Variants in FGFR3 observed in about 807,000 individuals in gnomAD.
FGFR3 encodes fibroblast growth factor receptor 3, also known as FGFR-3.
FGFR3 carries 25 observed loss-of-function variants against 82.9 expected under a neutral mutation model. The observed-to-expected ratio is 0.30, with a 90% confidence interval of 0.22 to 0.42. The LOEUF (loss-of-function observed/expected upper bound fraction) is 0.42. Among genes scored for constraint, FGFR3 ranks in the 10% least tolerant of loss-of-function variants. The pLI, the probability that FGFR3 is intolerant of heterozygous loss-of-function variation, is 1.00. For synonymous variants in FGFR3, 620 were observed against 516.0 expected, an observed-to-expected ratio of 1.20 and a Z score of -2.73; for missense variants, 1,026 against 1,161.0, an observed-to-expected ratio of 0.88 and a Z score of 1.69.
In FGFR3 at chr4:1,807,562, G is replaced by A. The variant is rs1017960810; in HGVS notation, c.*300G>A. The A allele has an allele frequency of 7.1e-6, 5 of 706,742 alleles. No homozygotes were observed. Among genetic ancestry groups the A allele is most frequent in the Admixed American group, 1.8e-5 (1 of 55,820 alleles). The allele number at this position is 706,742 out of a possible 1,614,324, so 43.8% of individuals were successfully genotyped here. A position where few individuals can be genotyped will look rare whatever the true frequency, so the allele number is the denominator to read the frequency against. On this transcript the variant is annotated 3_prime_UTR_variant, in exon 18 of 18. Transcript: ENST00000440486. Reference sequence around the variant, plus strand: ...GTTCTGGGGGGACCCAGTGCAGAATGTAAGTGGGCCCACCCGGTGGGACCC... The same window carrying A: ...GTTCTGGGGGGACCCAGTGCAGAATATAAGTGGGCCCACCCGGTGGGACCC...
In FGFR3 at chr4:1,794,029, TG is replaced by T; in HGVS notation, c.99del (p.Arg34GlufsTer26). On this transcript the variant is annotated frameshift_variant, in exon 2 of 18. Transcript: ENST00000440486. LOFTEE classifies it high-confidence loss of function. Reference protein sequence around the residue: ...SESLGTEQRVVGRAAEVPGPE... With the variant: ...SESLGTEQRVXGRAAEVPGPE... ...TCCTTGGGGACGGAGCAGCGCGTCG[TG>T]GGGCGAGCGGCAGGTAAGAAGGGAC... The T allele has an allele frequency of 7.1e-7, 1 of 1,411,682 alleles. No individual in the cohort carries two copies. The highest frequency in any genetic ancestry group is 9.3e-7 in the Non-Finnish European group (1 of 1,070,404). The allele number at this position is 1,411,682 out of a possible 1,614,324, so 87.4% of individuals were successfully genotyped here. A position where few individuals can be genotyped will look rare whatever the true frequency, so the allele number is the denominator to read the frequency against.
chr4:1,794,082 G>T (rs747769092), intron 2 of FGFR3, 39 bp downstream of exon 2: 26 of 1,236,758 alleles, frequency 2.1e-5, no homozygotes, highest in Non-Finnish European at 2.5e-5. Context: ...AGGCCGGCCC[G>T]TGCGGGCAGA....
intron 2 of FGFR3, among the ~76,000 whole-genome samples, chr4:1,795,410 T>C (rs1219790071): frequency 1.3e-5 from 2 of 150,284 alleles, no homozygotes; most frequent in African/African-American, 4.9e-5. Flanking sequence ...CAGTCGCTCC[T>C]GGAACGCCCC....
chr4:1,797,307 G>T (rs1005648732), intron 2 of FGFR3, among the ~76,000 whole-genome samples: 1 of 152,142 alleles, frequency 6.6e-6, no homozygotes, highest in Non-Finnish European at 1.5e-5. Context: ...CATGCCCCGT[G>T]TCACACTGTC....
rs2108808529 is a variant in FGFR3 at position 1,806,257 on chromosome 4, G to A, written c.1960G>A (p.Gly654Ser). 1.2e-6 allele frequency: 2 copies of A among 1,613,010 alleles called. No homozygotes were observed. Among genetic ancestry groups the A allele is most frequent in the Non-Finnish European group, 1.7e-6 (2 of 1,179,956 alleles). ...NLDYYKKTTN[G>S]RLPVKWMAPE... ...ACACCGCCTTCCCACACCCTCCCAGGGCCGGCTGCCCGTGAAGTGGATGGC... is the reference window on the plus strand; with the variant it reads ...ACACCGCCTTCCCACACCCTCCCAGAGCCGGCTGCCCGTGAAGTGGATGGC... Residue 654 changes from glycine (G) to serine (S), a missense_variant and splice_region_variant, in exon 15 of 18, where the codon GGC (glycine) becomes AGC (serine). By Grantham distance (56) the Gly-to-Ser change is moderately conservative. Around this residue, in one of 9 missense-constraint regions of FGFR3, gnomAD observed 45 missense variants for 80.8 expected, o/e 0.56. Transcript: ENST00000440486.
At chr4:1,794,155 G>A (rs1164993884) in intron 2 of FGFR3, 112 bp downstream of exon 2, 4 of 515,178 alleles carry the variant, frequency 7.8e-6, no homozygotes, top group East Asian at 8.0e-5. Flanking sequence ...GACGCCCCGG[G>A]GTTAGAGCCC....
intron 2 of FGFR3, among the ~76,000 whole-genome samples, chr4:1,794,611 C>T (rs886323456): frequency 2.6e-5 from 4 of 152,260 alleles, no homozygotes; most frequent in Admixed American, 6.5e-5. Context: ...CGCCGAGCTC[C>T]AGGCAAGCGA....
chr4:1,804,943 C>A lies in FGFR3; in HGVS notation c.1386C>A (p.Asp462Glu). ...ANVSELELPA[D>E]PKWELSRARL... ...TCTCCGAGCTCGAGCTGCCTGCCGA[C>A]CCCAAATGGGAGCTGTCTCGGGCCC... Residue 462 changes from aspartate to glutamate, a missense_variant, in exon 10 of 18, where the codon GAC (aspartate) becomes GAA (glutamate). Physicochemically the swap from Asp to Glu is conservative, Grantham distance 45. Around this residue, in one of 9 missense-constraint regions of FGFR3, gnomAD observed 22 missense variants for 52.8 expected, o/e 0.42. Coordinates refer to ENST00000440486, the MANE Select transcript of FGFR3 (RefSeq NM_000142.5). 1 of 1,550,438 alleles carries A rather than the reference C, an allele frequency of 6.4e-7. No homozygotes were observed. Among genetic ancestry groups the A allele is most frequent in the East Asian group, 2.4e-5 (1 of 41,150 alleles).
intron 2 of FGFR3, among the ~76,000 whole-genome samples, chr4:1,795,982 T>C (rs1486096679): frequency 6.6e-6 from 1 of 152,146 alleles, no homozygotes; most frequent in Non-Finnish European, 1.5e-5. Flanking sequence ...TCCCCAGCCC[T>C]CAGGTCTCAC....
At chr4:1,801,015 C>T (rs1007304360) in intron 4 of FGFR3, among the ~76,000 whole-genome samples, 2 of 152,174 alleles carry the variant, frequency 1.3e-5, no homozygotes, top group African/African-American at 2.4e-5. Context: ...CCTGGCTTGT[C>T]CACTAGATGG....
At chr4:1,802,933 T>C (rs1721377715) in intron 7 of FGFR3, 3 of 1,601,926 alleles carry the variant, frequency 1.9e-6, no homozygotes, top group South Asian at 2.3e-5. Flanking sequence ...AGTGAGAGTG[T>C]GGAGGCCGAC....
chr4:1,796,212 G>A (rs369777801), intron 2 of FGFR3, among the ~76,000 whole-genome samples: 3 of 152,254 alleles, frequency 2.0e-5, no homozygotes, highest in South Asian at 4.1e-4. Context: ...GCTCAGGCTC[G>A]GGTGCCCTCT....
intron 2 of FGFR3, among the ~76,000 whole-genome samples, chr4:1,795,437 GGGC>G (rs1560390350): frequency 7.1e-6 from 1 of 141,140 alleles, no homozygotes; most frequent in Admixed American, 6.9e-5. Flanking sequence ...CCCTCCCCCG[GGGC>G]GGCGCCCCCG....
chr4:1,806,458 C>T (rs1721932949), intron 15 of FGFR3, 88 bp from the exon 16 acceptor site: 3 of 1,607,666 alleles, frequency 1.9e-6, no homozygotes, highest in Admixed American at 3.3e-5. Flanking sequence ...CTGGGGGCAG[C>T]AGCGCAGCCC....
In FGFR3 at chr4:1,805,418, C is replaced by G. The variant is rs373254179; in HGVS notation, c.1476C>G (p.Ile492Met). 2 of 1,612,138 alleles carry G rather than the reference C, an allele frequency of 1.2e-6. No individual in the cohort carries two copies. The highest frequency in any genetic ancestry group is 2.7e-5 in the African/African-American group (2 of 74,922). ...GCCAGGTGGTCATGGCGGAGGCCAT[C>G]GGCATTGACAAGGACCGGGCCGCCA... ...CFGQVVMAEA[I>M]GIDKDRAAKP... Residue 492 changes from isoleucine to methionine, a missense_variant, in exon 11 of 18, where the codon ATC becomes ATG. Ile to Met is a conservative substitution (Grantham distance 10, BLOSUM62 1). Transcript: ENST00000440486.
chr4:1,806,372 C>T (rs1167060389), intron 15 of FGFR3, 45 bp downstream of exon 15: 4 of 1,610,260 alleles, frequency 2.5e-6, no homozygotes, highest in Middle Eastern at 3.5e-4. Context: ...GAGGCGGGAA[C>T]TGGGCAGAGC....
chr4:1,804,290 G>C lies in FGFR3; in HGVS notation c.1076-40G>C, dbSNP rs200683551. 2.1e-3 allele frequency: 3,234 copies of C among 1,551,366 alleles called. 11 individuals carry two copies. Among genetic ancestry groups the C allele is most frequent in the Middle Eastern group, 0.015 (87 of 5,762 alleles). On this transcript the variant is annotated intron_variant, in intron 8 of 17. Transcript: ENST00000440486. ...GGGCATCCATGGGAGCCCCGTGGGG[G>C]GGGGGGCCAGGCCAGGCCTCAACGC...
chr4:1,799,341 G>A lies in FGFR3; in HGVS notation c.197G>A (p.Gly66Asp). 1.2e-6 allele frequency: 2 copies of A among 1,612,630 alleles called. No individual in the cohort carries two copies. Among genetic ancestry groups the A allele is most frequent in the Admixed American group, 1.7e-5 (1 of 60,012 alleles). ...GAGCTGAGCTGTCCCCCGCCCGGGG[G>A]TGGTCCCATGGGGCCCACTGTCTGG... is the stretch of plus-strand genomic sequence containing the variant. The part of the protein sequence containing the change: ...AVELSCPPPG[G>D]GPMGPTVWVK... Residue 66 changes from glycine (G) to aspartate (D), a missense_variant, in exon 3 of 18, where the codon GGT becomes GAT. Physicochemically the swap from Gly to Asp is moderately conservative, Grantham distance 94. Transcript: ENST00000440486.
chr4:1,797,140 G>C (rs895137894), intron 2 of FGFR3, among the ~76,000 whole-genome samples: 1 of 152,188 alleles, frequency 6.6e-6, no homozygotes, highest in East Asian at 1.9e-4. Flanking sequence ...GGTGTCAGTG[G>C]GGCCTCCCTT....
Sources: allele counts gnomAD v4.1 joint callset (sites outside exome capture counted in the v4.1 genomes callset), GRCh38; gene constraint gnomAD v4.1.1; regional missense constraint gnomAD v4.1.1; transcripts MANE v1.5; gene names NCBI Gene and HGNC (gene_info 2026-07-23, HGNC 2026-07-21).